Variants in SLC8A1 observed in about 807,000 individuals in gnomAD.
The protein encoded by SLC8A1 is solute carrier family 8 member A1.
In SLC8A1, 18 loss-of-function variants were observed where a neutral mutation model predicts 68.3. The ratio of observed to expected loss-of-function variants is 0.26; its 90% confidence interval spans 0.18 to 0.39. The LOEUF (loss-of-function observed/expected upper bound fraction) is 0.39, where lower values mean the gene tolerates loss of function less well. Ranked by LOEUF, SLC8A1 falls within the 10% of genes least tolerant of loss-of-function variation. SLC8A1 has a pLI of 1.00. For missense variants in SLC8A1, 985 were observed against 1,156.7 expected, an observed-to-expected ratio of 0.85 and a Z score of 2.15; for synonymous variants, 475 against 415.5, an observed-to-expected ratio of 1.14 and a Z score of -1.74.
chr2:40,352,111 G>T (rs1487547520), intron 2 of SLC8A1, among the ~76,000 whole-genome samples: 2 of 152,234 alleles, frequency 1.3e-5, no homozygotes, highest in South Asian at 2.1e-4. Context: ...GAAATAAATA[G>T]ATTAATGCTT....
At chr2:40,318,232 T>C (rs1207893537) in intron 2 of SLC8A1, among the ~76,000 whole-genome samples, 2 of 152,184 alleles carry the variant, frequency 1.3e-5, no homozygotes, top group Non-Finnish European at 1.5e-5. Flanking sequence ...CAGAATTTCC[T>C]AGAGGAATGG....
At chr2:40,178,184 T>G (rs765182579) in intron 2 of SLC8A1, among the ~76,000 whole-genome samples, 1 of 152,206 alleles carries the variant, frequency 6.6e-6, no homozygotes, top group Non-Finnish European at 1.5e-5. Flanking sequence ...AAAATTAATC[T>G]CTCAGACGTT....
intron 2 of SLC8A1, among the ~76,000 whole-genome samples, chr2:40,399,577 T>G (rs1050823954): frequency 2.0e-5 from 3 of 152,174 alleles, no homozygotes; most frequent in Non-Finnish European, 2.9e-5. Context: ...ATCTAACTCT[T>G]ACCAGAATGA....
chr2:40,170,562 G>A (rs2047294812), intron 4 of SLC8A1, among the ~76,000 whole-genome samples: 2 of 152,152 alleles, frequency 1.3e-5, no homozygotes, highest in African/African-American at 4.8e-5. Context: ...TCAGAGATGA[G>A]CGAGTATTTC....
Position 40,394,827 on chromosome 2 carries a change from G to T in SLC8A1, c.1808+33646C>A, listed in dbSNP as rs557957793. The stretch of plus-strand genomic sequence containing the variant: ...ATCATGCTAGCTTGGGGAAGTTGAA[G>T]GCCACAGAAGTTGTCATTTGTGCAA... On this transcript the variant is annotated intron_variant, in intron 2 of 7. Transcript: ENST00000406785. 2.6e-5 allele frequency among the ~76,000 whole-genome samples: 4 copies of T among 152,170 alleles called. No individual in the cohort carries two copies. In the South Asian group the frequency reaches 8.3e-4, roughly 32 times the overall value.
intron 1 of SLC8A1, among the ~76,000 whole-genome samples, chr2:40,449,360 CAT>C (rs1265657582): frequency 2.0e-5 from 3 of 152,266 alleles, no homozygotes; most frequent in East Asian, 1.9e-4. Flanking sequence ...TAAGAGGAAT[CAT>C]GTGTTTATTT....
chr2:40,196,514 C>A (rs375174727), intron 2 of SLC8A1, among the ~76,000 whole-genome samples: 1 of 151,836 alleles, frequency 6.6e-6, no homozygotes, highest in Non-Finnish European at 1.5e-5. Flanking sequence ...ACGAAGATTC[C>A]TTGTCGTTAT....
At chr2:40,255,586 C>T (rs1450299184) in intron 2 of SLC8A1, among the ~76,000 whole-genome samples, 1 of 152,156 alleles carries the variant, frequency 6.6e-6, no homozygotes, top group Non-Finnish European at 1.5e-5. Flanking sequence ...TGTTACTTCA[C>T]CTCTCTGGAG....
chr2:40,315,278 G>C (rs1341464527), intron 2 of SLC8A1, among the ~76,000 whole-genome samples: 1 of 151,640 alleles, frequency 6.6e-6, no homozygotes, highest in Admixed American at 6.6e-5. Flanking sequence ...TAGTTCGTCA[G>C]TATGGTGGTT....
intron 2 of SLC8A1, among the ~76,000 whole-genome samples, chr2:40,376,779 A>G (rs944204150): frequency 9.2e-5 from 14 of 152,120 alleles, no homozygotes; most frequent in African/African-American, 2.4e-4. Context: ...AGCAGATTCT[A>G]TATGTCCTTA....
At chr2:40,166,222 G>A (rs886323995) in intron 4 of SLC8A1, among the ~76,000 whole-genome samples, 2 of 152,168 alleles carry the variant, frequency 1.3e-5, no homozygotes, top group Admixed American at 1.3e-4. Context: ...TGGCTCCATT[G>A]TTGCTTTGGC....
intron 2 of SLC8A1, among the ~76,000 whole-genome samples, chr2:40,245,309 C>T (rs1404285614): frequency 8.5e-6 from 1 of 117,762 alleles, no homozygotes; most frequent in East Asian, 2.5e-4. Flanking sequence ...ATATCCCTCT[C>T]CAGCTCTAAA....
intron 2 of SLC8A1, among the ~76,000 whole-genome samples, chr2:40,234,294 C>G (rs1176781438): frequency 6.6e-6 from 1 of 151,396 alleles, no homozygotes; most frequent in African/African-American, 2.4e-5. Flanking sequence ...GTTTGTAGTT[C>G]TCCTTGAAGA....
chr2:40,449,094 C>T (rs540651789), intron 1 of SLC8A1, among the ~76,000 whole-genome samples: 1 of 151,392 alleles, frequency 6.6e-6, no homozygotes, highest in Non-Finnish European at 1.5e-5. Flanking sequence ...TACTATCCTC[C>T]CTGTACCTAA....
chr2:40,456,585 T>A (rs535137011), upstream of SLC8A1, among the ~76,000 whole-genome samples: 1 of 152,300 alleles, frequency 6.6e-6, no homozygotes, highest in Non-Finnish European at 1.5e-5. Context: ...GGAAGCTTTT[T>A]AACCTCTTAA....
intron 2 of SLC8A1, among the ~76,000 whole-genome samples, chr2:40,350,989 A>G (rs1344002578): frequency 6.6e-6 from 1 of 152,156 alleles, no homozygotes; most frequent in Non-Finnish European, 1.5e-5. Flanking sequence ...AGCTCTGTCT[A>G]AACTTCACAT....
intron 4 of SLC8A1, among the ~76,000 whole-genome samples, chr2:40,171,305 T>C (rs1252407746): frequency 6.6e-6 from 1 of 152,218 alleles, no homozygotes; most frequent in Non-Finnish European, 1.5e-5. Context: ...TTGTGTCTTA[T>C]TAAGTCTATT....
chr2:40,414,876 A>C (rs1481996820), intron 2 of SLC8A1, among the ~76,000 whole-genome samples: 1 of 152,210 alleles, frequency 6.6e-6, no homozygotes, highest in Non-Finnish European at 1.5e-5. Flanking sequence ...AATAAAGAAG[A>C]CAATGATGTA....
At chr2:40,468,871 T>A (rs1396801380) in intron 1 of SLC8A1, among the ~76,000 whole-genome samples, 1 of 151,962 alleles carries the variant, frequency 6.6e-6, no homozygotes, top group Admixed American at 6.6e-5. Context: ...ATCATAGGAG[T>A]TTTATACCAG....
Sources: allele counts gnomAD v4.1 joint callset (sites outside exome capture counted in the v4.1 genomes callset), GRCh38; gene constraint gnomAD v4.1.1; transcripts MANE v1.5; gene names NCBI Gene and HGNC (gene_info 2026-07-23, HGNC 2026-07-21).